NAA15: variants seen among roughly 807,000 people sequenced by gnomAD.
NAA15 encodes N-alpha-acetyltransferase 15, NatA auxiliary subunit, also known as N-terminal acetyltransferase.
A neutral mutation model predicts 114.0 loss-of-function variants in NAA15; 34 were observed. The observed-to-expected ratio is 0.30, with a 90% CI of 0.23 to 0.40. The LOEUF (loss-of-function observed/expected upper bound fraction) is 0.40, where lower values mean the gene tolerates loss of function less well. NAA15 is among the 10% of genes least tolerant of loss of function. The pLI, the probability that NAA15 is intolerant of heterozygous loss-of-function variation, is 1.00. For synonymous variants in NAA15, 340 were observed against 338.0 expected, an observed-to-expected ratio of 1.01 and a Z score of -0.06; for missense variants, 658 against 1,004.5, an observed-to-expected ratio of 0.66 and a Z score of 4.66.
chr4:139,315,779 T>G (rs1224497961), intron 1 of NAA15, among the ~76,000 whole-genome samples: 1 of 151,860 alleles, frequency 6.6e-6, no homozygotes, highest in Non-Finnish European at 1.5e-5. Context: ...TGTTTTTATT[T>G]GCTTATTTTT....
At chr4:139,365,614 G>C (rs1011777297) in intron 14 of NAA15, among the ~76,000 whole-genome samples, 15 of 152,068 alleles carry the variant, frequency 9.9e-5, no homozygotes, top group Non-Finnish European at 2.1e-4. Flanking sequence ...AAGGCAGGTG[G>C]ATCGTTTGAG....
intron 1 of NAA15, among the ~76,000 whole-genome samples, chr4:139,332,054 C>A (rs1464536045): frequency 6.6e-6 from 1 of 152,112 alleles, no homozygotes; most frequent in Non-Finnish European, 1.5e-5. Flanking sequence ...TCCATAGTAG[C>A]TTTTGACTCT....
At chr4:139,357,620 T>A (rs1462616813) in intron 11 of NAA15, 65 bp downstream of exon 11, 2 of 1,034,750 alleles carry the variant, frequency 1.9e-6, no homozygotes, top group African/African-American at 3.3e-5. Flanking sequence ...TTTCTCTGTA[T>A]TTTATAGATT....
At chr4:139,371,188 C>A (rs1186855529) in intron 15 of NAA15, among the ~76,000 whole-genome samples, 1 of 152,138 alleles carries the variant, frequency 6.6e-6, no homozygotes, top group Non-Finnish European at 1.5e-5. Flanking sequence ...AATCATTTCC[C>A]TGACTGCTTT....
chr4:139,315,655 T>G (rs1405225242), intron 1 of NAA15, among the ~76,000 whole-genome samples: 1 of 151,920 alleles, frequency 6.6e-6, no homozygotes, highest in Non-Finnish European at 1.5e-5. Context: ...GCACGTGTAT[T>G]ATTAGTACTT....
chr4:139,343,285 T>C (rs566928002), intron 5 of NAA15, among the ~76,000 whole-genome samples: 2 of 152,186 alleles, frequency 1.3e-5, no homozygotes, highest in Non-Finnish European at 2.9e-5. Flanking sequence ...TTTTCAGTTC[T>C]CTAGATAGTA....
In NAA15 at chr4:139,388,122, T is replaced by C. The variant is rs1748959295; in HGVS notation, c.*38T>C. On this transcript the variant is annotated 3_prime_UTR_variant, in exon 20 of 20. Coordinates refer to ENST00000296543, the MANE Select transcript of NAA15 (RefSeq NM_057175.5). ...AAGCAAATGGAATGACTTTGGACCATATCTAGTATATAATATTTTTGTCAC... is the reference window on the plus strand; with the variant it reads ...AAGCAAATGGAATGACTTTGGACCACATCTAGTATATAATATTTTTGTCAC... 1 of 1,565,862 alleles carries C rather than the reference T, an allele frequency of 6.4e-7. No individual in the cohort carries two copies. The highest frequency in any genetic ancestry group is 8.8e-7 in the Non-Finnish European group (1 of 1,141,922).
chr4:139,369,419 G>T (rs1748371472), intron 14 of NAA15, among the ~76,000 whole-genome samples: 1 of 152,132 alleles, frequency 6.6e-6, no homozygotes, highest in Non-Finnish European at 1.5e-5. Context: ...TGGTTCCGTT[G>T]TTTGCTATCT....
intron 17 of NAA15, 131 bp from the exon 18 acceptor site, chr4:139,384,701 G>C (rs1748846728): frequency 2.0e-6 from 1 of 501,732 alleles, no homozygotes; most frequent in South Asian, 6.9e-5. Flanking sequence ...GCTACAGTGA[G>C]CCATGGTTGT....
At chr4:139,362,939 C>CT (rs1327676833) in intron 14 of NAA15, among the ~76,000 whole-genome samples, 12 of 152,148 alleles carry the variant, frequency 7.9e-5, no homozygotes, top group Middle Eastern at 3.4e-3. Context: ...TGATTGGCTA[C>CT]TTTCTATATC....
At chr4:139,375,583 G>C (rs1748559674) in intron 15 of NAA15, among the ~76,000 whole-genome samples, 1 of 151,924 alleles carries the variant, frequency 6.6e-6, no homozygotes. Context: ...TTTCCATTAG[G>C]GTAAATTGTT....
At chr4:139,344,507 T>A (rs1183328442) in intron 6 of NAA15, among the ~76,000 whole-genome samples, 168 bp downstream of exon 6, 1 of 152,192 alleles carries the variant, frequency 6.6e-6, no homozygotes, top group East Asian at 1.9e-4. Context: ...AATGTACATT[T>A]AAACAATATT....
intron 1 of NAA15, among the ~76,000 whole-genome samples, chr4:139,326,634 G>GT (rs1185510475): frequency 6.6e-6 from 1 of 152,098 alleles, no homozygotes; most frequent in East Asian, 1.9e-4. Context: ...TAGTGTTTCT[G>GT]TTATATAAAA....
intron 8 of NAA15, 27 bp downstream of exon 8, chr4:139,351,313 A>G (rs376665519): frequency 1.3e-5 from 19 of 1,458,590 alleles, no homozygotes; most frequent in Non-Finnish European, 1.8e-5. Flanking sequence ...GCAAAGGAAT[A>G]GAAATGCTTT....
At chr4:139,332,818 A>G (rs1285809297) in intron 1 of NAA15, among the ~76,000 whole-genome samples, 2 of 151,752 alleles carry the variant, frequency 1.3e-5, no homozygotes, top group Non-Finnish European at 2.9e-5. Flanking sequence ...CTGACCTCAG[A>G]TGATCCACCC....
At chr4:139,321,473 T>TG (rs1426413587) in intron 1 of NAA15, among the ~76,000 whole-genome samples, 1 of 140,742 alleles carries the variant, frequency 7.1e-6, no homozygotes, top group African/African-American at 2.6e-5. Context: ...CCTTATTTGT[T>TG]TTTTTTTTTT....
rs59026436 is a variant in NAA15 at position 139,315,011 on chromosome 4, G to GTTTAGGTTAGT, written c.54+13182_54+13183insTAGGTTAGTTT. Among the ~76,000 whole-genome samples the GTTTAGGTTAGT allele has an allele frequency of 5.4e-3, 472 of 86,992 alleles. 26 individuals carry two copies. Among genetic ancestry groups the GTTTAGGTTAGT allele is most frequent in the Middle Eastern group, 0.019 (4 of 210 alleles). The allele number at this position is 86,992 out of a possible 152,430, so 57.1% of individuals were successfully genotyped here. A position where few individuals can be genotyped will look rare whatever the true frequency, so the allele number is the denominator to read the frequency against. The stretch of plus-strand genomic sequence containing the variant: ...TTCAGTTCAGTTCAGTTTAGTTTAG[G>GTTTAGGTTAGT]TTAGGTTAGGTTAGGTTAGGTTAGG... On this transcript the variant is annotated intron_variant, in intron 1 of 19. Coordinates refer to ENST00000296543, the MANE Select transcript of NAA15 (RefSeq NM_057175.5).
chr4:139,355,891 A>C (rs1048018893), intron 10 of NAA15, among the ~76,000 whole-genome samples: 8 of 152,176 alleles, frequency 5.3e-5, no homozygotes, highest in African/African-American at 1.9e-4. Flanking sequence ...ATACTCTATT[A>C]TTCTTTATTA....
chr4:139,378,514 G>C (rs113608725), intron 16 of NAA15, among the ~76,000 whole-genome samples: 1 of 152,204 alleles, frequency 6.6e-6, no homozygotes, highest in African/African-American at 2.4e-5. Context: ...TATGTCATTA[G>C]TTTAAATATT....
Sources: allele counts gnomAD v4.1 joint callset (sites outside exome capture counted in the v4.1 genomes callset), GRCh38; gene constraint gnomAD v4.1.1; transcripts MANE v1.5; gene names NCBI Gene and HGNC (gene_info 2026-07-23, HGNC 2026-07-21).